Variants in DHTKD1 observed in about 807,000 individuals in gnomAD.
DHTKD1 encodes dehydrogenase E1 and transketolase domain containing 1.
DHTKD1 carries 78 observed loss-of-function variants against 101.8 expected under a neutral mutation model. That is an observed-to-expected ratio of 0.77 (90% confidence interval 0.64 to 0.93). DHTKD1 has a LOEUF of 0.93. Ranked by LOEUF, DHTKD1 falls within the 40% of genes least tolerant of loss-of-function variation. The probability of loss-of-function intolerance (pLI) is 0.00; values close to 1 mark genes in which losing one functional copy is unlikely to be tolerated. For missense variants in DHTKD1, 1,223 were observed against 1,161.7 expected (o/e 1.05, Z -0.77); for synonymous variants, 462 against 450.3 (o/e 1.03, Z -0.33).
intron 5 of DHTKD1, among the ~76,000 whole-genome samples, 200 bp downstream of exon 5, chr10:12,089,455 T>G (rs945665006): frequency 5.3e-5 from 8 of 152,184 alleles, no homozygotes; most frequent in Admixed American, 4.6e-4. Flanking sequence ...GCCTGGGGCT[T>G]CCACTTCTGT....
At chr10:12,080,773 G>C (rs895021972) in intron 1 of DHTKD1, among the ~76,000 whole-genome samples, 1 of 151,882 alleles carries the variant, frequency 6.6e-6, no homozygotes, top group Admixed American at 6.6e-5. Context: ...ATTGTCTCTG[G>C]GTTCTGAAAA....
Position 12,110,807 on chromosome 10 carries a change from A to G in DHTKD1, c.2155-2093A>G, listed in dbSNP as rs1055612225. Among the ~76,000 whole-genome samples, 10 of 152,264 alleles carry G rather than the reference A, an allele frequency of 6.6e-5. No homozygotes were observed. The highest frequency in any genetic ancestry group is 6.2e-4 in the South Asian group (3 of 4,822). ...GTAATCCCAGCACTTTGGGAGGCCA[A>G]GGTGGGTGGATATCTTGCTCAGGAG... On this transcript the variant is annotated intron_variant, in intron 12 of 16. Coordinates refer to ENST00000263035, the MANE Select transcript of DHTKD1 (RefSeq NM_018706.7). This position sits in a 1 kb window ranked among gnomAD's most constrained non-coding sequence, Gnocchi z 4.9.
chr10:12,088,949 A>G (rs1286955824), intron 4 of DHTKD1, 37 bp from the exon 5 acceptor site: 2 of 1,582,342 alleles, frequency 1.3e-6, no homozygotes, highest in Non-Finnish European at 1.7e-6. Flanking sequence ...CATTGTGATG[A>G]ATGCCATTTT....
At position 12,106,161 on chromosome 10, in the gene DHTKD1, C is replaced by A. The variant is rs1020987280; in HGVS notation, c.1897-85C>A. 22 of 1,417,104 alleles carry A rather than the reference C, an allele frequency of 1.6e-5. No homozygotes were observed. The African/African-American group carries it at 2.5e-4, about 16-fold the overall frequency. 87.8% of individuals were successfully genotyped at this position (1,417,104 alleles called of 1,614,324 possible). ...ACGAGAGCAAGGCTCCCTCTCCGCA[C>A]CACCTCCCTTCGATAAGTTCGCAGG... On this transcript the variant is annotated intron_variant, in intron 10 of 16. Coordinates refer to ENST00000263035, the MANE Select transcript of DHTKD1 (RefSeq NM_018706.7).
At chr10:12,100,906 C>A in intron 9 of DHTKD1, 136 bp from the exon 10 acceptor site, 2 of 842,128 alleles carry the variant, frequency 2.4e-6, no homozygotes, top group Non-Finnish European at 3.7e-6. Flanking sequence ...GAATATTGGA[C>A]AGCATATATT....
intron 13 of DHTKD1, among the ~76,000 whole-genome samples, chr10:12,117,243 CA>C (rs1295304136): frequency 3.3e-5 from 5 of 150,938 alleles, no homozygotes; most frequent in African/African-American, 1.2e-4. Context: ...CTCCTGACCT[CA>C]GGTGATCCGC....
At position 12,115,091 on chromosome 10, in the gene DHTKD1, G is replaced by A. The variant is rs772030899; in HGVS notation, c.2319+2027G>A. Among the ~76,000 whole-genome samples, 76 of 9,932 alleles carry A rather than the reference G, an allele frequency of 7.7e-3. No homozygotes were observed. The Non-Finnish European group carries it at 0.12, about 16-fold the overall frequency. The allele number at this position is 9,932 out of a possible 152,430, so 6.5% of individuals were successfully genotyped here. On this transcript the variant is annotated intron_variant, in intron 13 of 16. Transcript: ENST00000263035. ...ATTACAGGCATGAGCCACCGCTCCC[G>A]GCCTGTTTGAACAGTTTCTTGAGAT...
chr10:12,107,654 G>GTGA lies in DHTKD1; in HGVS notation c.2048-253_2048-251dup, dbSNP rs1833270499. ...GCTGGTCTCGAACACCTGACCTCAA[G>GTGA]TGATCTATCCGCCTCAGCCTCCCAA... is the stretch of plus-strand genomic sequence containing the variant. On this transcript the variant is annotated intron_variant, in intron 11 of 16. Transcript: ENST00000263035. The surrounding 1 kb of genome is among the most constrained non-coding windows in gnomAD (Gnocchi z 4.1). Among the ~76,000 whole-genome samples the GTGA allele has an allele frequency of 6.6e-6, 1 of 150,982 alleles. No homozygotes were observed. Among genetic ancestry groups the GTGA allele is most frequent in the Non-Finnish European group, 1.5e-5 (1 of 67,686 alleles).
chr10:12,094,123 G>A lies in DHTKD1; in HGVS notation c.1210G>A (p.Glu404Lys), dbSNP rs1486533251. The change falls in exon 7 of 17, where the codon GAA becomes AAA. Residue 404 changes from glutamate (E) to lysine (K), a missense_variant. Glu to Lys is a moderately conservative substitution (Grantham distance 56). Coordinates refer to ENST00000263035, the MANE Select transcript of DHTKD1 (RefSeq NM_018706.7). The stretch of plus-strand genomic sequence containing the variant: ...CCATGTCAATGGAGACAGCCCAGAG[G>A]AAGTGGTCCGTGCCACACGACTGGC... Reference protein sequence around the residue: ...IIHVNGDSPEEVVRATRLAFE... With the variant: ...IIHVNGDSPEKVVRATRLAFE... The A allele has an allele frequency of 6.2e-7, 1 of 1,614,138 alleles. No homozygotes were observed. The highest frequency in any genetic ancestry group is 8.5e-7 in the Non-Finnish European group (1 of 1,180,018).
In DHTKD1 at chr10:12,073,172, A is replaced by T. The variant is rs143575185; in HGVS notation, c.154+3985A>T. Among the ~76,000 whole-genome samples the T allele has an allele frequency of 9.2e-5, 14 of 152,052 alleles. No homozygotes were observed. The East Asian group carries it at 2.7e-3, about 29-fold the overall frequency. ...CTCAGTCTCCTGATTAGCTGAGATT[A>T]CAGGCATATGCCACCCCGCCCAGCT... On this transcript the variant is annotated intron_variant, in intron 1 of 16. Transcript: ENST00000263035.
chr10:12,071,386 C>T (rs1832648195), intron 1 of DHTKD1, among the ~76,000 whole-genome samples: 4 of 152,218 alleles, frequency 2.6e-5, no homozygotes, highest in African/African-American at 9.6e-5. Flanking sequence ...CAGTCTCTGC[C>T]ACAGAGGTAT....
At chr10:12,088,615 G>A (rs750129976) in intron 4 of DHTKD1, among the ~76,000 whole-genome samples, 1 of 151,976 alleles carries the variant, frequency 6.6e-6, no homozygotes, top group Non-Finnish European at 1.5e-5. Flanking sequence ...ACCTAATCTC[G>A]CTCTGTCACC....
rs1220589913 is a variant in DHTKD1, at chr10:12,089,200, G to A, written c.932G>A (p.Gly311Asp). ...TRGRQQSRQD[G>D]DYSPDNSAQP... ...GGCAGGCAGCAGTCTCGCCAAGACGGCGATTACTCTCCAGACAACTCAGCC... is the reference window on the plus strand; with the variant it reads ...GGCAGGCAGCAGTCTCGCCAAGACGACGATTACTCTCCAGACAACTCAGCC... Residue 311 changes from glycine (G) to aspartate (D), a missense_variant, in exon 5 of 17, where the codon GGC becomes GAC. Gly to Asp is a moderately conservative substitution (Grantham distance 94, BLOSUM62 -1). Transcript: ENST00000263035. 1 of 1,614,146 alleles carries A rather than the reference G, an allele frequency of 6.2e-7. No individual in the cohort carries two copies. The highest frequency in any genetic ancestry group is 1.1e-5 in the South Asian group (1 of 91,086).
chr10:12,093,985 G>A, intron 6 of DHTKD1, 88 bp from the exon 7 acceptor site: 2 of 1,172,980 alleles, frequency 1.7e-6, no homozygotes, highest in South Asian at 1.3e-5. Context: ...GGATTGGGCT[G>A]TCTTTTGATG....
chr10:12,078,076 T>C (rs1009968501), intron 1 of DHTKD1, among the ~76,000 whole-genome samples: 1 of 152,086 alleles, frequency 6.6e-6, no homozygotes, highest in Non-Finnish European at 1.5e-5. Flanking sequence ...TTGTGCCAAC[T>C]TCTGTGTCAG....
At chr10:12,078,849 G>A (rs1159372257) in intron 1 of DHTKD1, among the ~76,000 whole-genome samples, 8 of 152,052 alleles carry the variant, frequency 5.3e-5, no homozygotes, top group Non-Finnish European at 1.0e-4. Context: ...ATTTTTAGTA[G>A]AGATGGGATT....
rs1431815822 is a variant in DHTKD1, at chr10:12,103,491, C to T, written c.1896+2310C>T. On this transcript the variant is annotated intron_variant, in intron 10 of 16. Transcript: ENST00000263035. The surrounding 1 kb of genome is among the most constrained non-coding windows in gnomAD (Gnocchi z 4.8). ...CCCCAACTTCGTTGTACATCTCAATCTGTGTGTGTGTGTGTGTGTGTGTGT... is the reference window on the plus strand; with the variant it reads ...CCCCAACTTCGTTGTACATCTCAATTTGTGTGTGTGTGTGTGTGTGTGTGT... Among the ~76,000 whole-genome samples, 1 of 144,890 alleles carries T rather than the reference C, an allele frequency of 6.9e-6. No individual in the cohort carries two copies. Among genetic ancestry groups the T allele is most frequent in the African/African-American group, 2.5e-5 (1 of 39,254 alleles).
chr10:12,090,979 C>CG (rs1564392068), intron 5 of DHTKD1, among the ~76,000 whole-genome samples: 1 of 151,894 alleles, frequency 6.6e-6, no homozygotes, highest in Non-Finnish European at 1.5e-5. Context: ...GCGTGAACCC[C>CG]GGAGGCGGAG....
intron 14 of DHTKD1, 55 bp downstream of exon 14, chr10:12,117,810 A>ACTACTTTTCCC: frequency 1.1e-6 from 1 of 901,262 alleles, no homozygotes; most frequent in Non-Finnish European, 1.8e-6. Context: ...ATTAATGGGA[A>ACTACTTTTCCC]AAGTAGTTCA....
Sources: allele counts gnomAD v4.1 joint callset (sites outside exome capture counted in the v4.1 genomes callset), GRCh38; gene constraint gnomAD v4.1.1; non-coding constraint Gnocchi (gnomAD v3.1); transcripts MANE v1.5; gene names NCBI Gene and HGNC (gene_info 2026-07-23, HGNC 2026-07-21).